MECOM: variants seen among roughly 807,000 people sequenced by gnomAD.
The protein encoded by MECOM is histone-lysine N-methyltransferase MECOM.
Under a neutral mutation model 116.3 loss-of-function variants are expected in MECOM, and 13 were observed. That is an observed-to-expected ratio of 0.11 (90% CI 0.07 to 0.18). The LOEUF (loss-of-function observed/expected upper bound fraction) is 0.18, where lower values mean the gene tolerates loss of function less well. Ranked by LOEUF, MECOM falls within the 10% of genes least tolerant of loss-of-function variation. The pLI, the probability that MECOM is intolerant of heterozygous loss-of-function variation, is 1.00. For synonymous variants in MECOM, 528 were observed against 535.2 expected (o/e 0.99, Z 0.19); for missense variants, 1,299 against 1,509.0 (o/e 0.86, Z 2.31).
chr3:169,662,429 C>CCT (rs1776409904), intron 1 of MECOM, among the ~76,000 whole-genome samples: 1 of 152,184 alleles, frequency 6.6e-6, no homozygotes, highest in Admixed American at 6.5e-5. Context: ...CCTAGGCTGC[C>CCT]GCCGCTGGCT....
chr3:169,477,124 T>TGTATATATATACATATAC (rs1750588326), intron 1 of MECOM: 1 of 84,880 alleles, frequency 1.2e-5, no homozygotes, highest in Non-Finnish European at 2.3e-5. Context: ...TATATATATA[T>TGTATATATATACATATAC]ATATATATAT....
intron 2 of MECOM, among the ~76,000 whole-genome samples, chr3:169,214,533 C>T (rs1327824965): frequency 6.6e-6 from 1 of 151,228 alleles, no homozygotes. Context: ...GGTTAGAATT[C>T]AATAAGGCAA....
chr3:169,276,997 TACACACACAC>T (rs71300479), intron 2 of MECOM, among the ~76,000 whole-genome samples: 79 of 144,512 alleles, frequency 5.5e-4, no homozygotes, highest in East Asian at 3.4e-3. Flanking sequence ...TAATTTATGT[TACACACACAC>T]ACACACACAC....
intron 2 of MECOM, among the ~76,000 whole-genome samples, chr3:169,371,809 A>T (rs1730190742): frequency 1.3e-5 from 2 of 152,032 alleles, no homozygotes; most frequent in South Asian, 4.1e-4. Context: ...CACCGTTGTT[A>T]GGTATCTTAG....
Position 169,084,807 on chromosome 3 carries a change from CAGGTTTATA to C in MECOM, c.*93_*101del. 1 of 1,297,306 alleles carries C rather than the reference CAGGTTTATA, an allele frequency of 7.7e-7. No homozygotes were observed. The highest frequency in any genetic ancestry group is 1.1e-6 in the Non-Finnish European group (1 of 920,852). The allele number at this position is 1,297,306 out of a possible 1,614,324, so 80.4% of individuals were successfully genotyped here. On this transcript the variant is annotated 3_prime_UTR_variant, in exon 17 of 17. Transcript: ENST00000651503. ...ACTAGACTTTAGATGAGTGACCCTG[CAGGTTTATA>C]AGGCATTCTGCTCAGCAGTCTTGTA... is the stretch of plus-strand genomic sequence containing the variant.
intron 2 of MECOM, among the ~76,000 whole-genome samples, chr3:169,154,941 G>T (rs1245554929): frequency 1.3e-4 from 19 of 151,982 alleles, no homozygotes; most frequent in Admixed American, 5.9e-4. Flanking sequence ...CAAATTATCT[G>T]TGCTTCTCTC....
chr3:169,655,854 A>G (rs1775482237), intron 1 of MECOM, among the ~76,000 whole-genome samples: 1 of 152,234 alleles, frequency 6.6e-6, no homozygotes, highest in Non-Finnish European at 1.5e-5. Flanking sequence ...ACCCACTAAG[A>G]TTTATTGAGC....
chr3:169,382,047 C>A (rs1732473669), intron 1 of MECOM, among the ~76,000 whole-genome samples: 1 of 152,122 alleles, frequency 6.6e-6, no homozygotes, highest in African/African-American at 2.4e-5. Context: ...AGTGTTTTTT[C>A]TTTCTCTATA....
intron 1 of MECOM, among the ~76,000 whole-genome samples, chr3:169,612,075 T>G (rs1577106067): frequency 6.6e-6 from 1 of 152,250 alleles, no homozygotes; most frequent in African/African-American, 2.4e-5. Flanking sequence ...CAACCAAAAA[T>G]TTCTCCAGAT....
chr3:169,134,399 G>C lies in MECOM; in HGVS notation c.511-2868C>G, dbSNP rs1318049915. On this transcript the variant is annotated intron_variant, in intron 3 of 16. Transcript: ENST00000651503. ...TTGGCTTTATTTACTGGAGGTAAAA[G>C]GTGACATTCCAAGCCATGAAAGGCA... 3.9e-5 allele frequency among the ~76,000 whole-genome samples: 6 copies of C among 152,166 alleles called. No homozygotes were observed. In the East Asian group the frequency reaches 1.2e-3, roughly 29 times the overall value.
chr3:169,228,645 A>G (rs1753025809), intron 2 of MECOM, among the ~76,000 whole-genome samples: 1 of 152,196 alleles, frequency 6.6e-6, no homozygotes, highest in Admixed American at 6.5e-5. Flanking sequence ...CCTCAAAGGC[A>G]TTTCCATGCA....
intron 1 of MECOM, among the ~76,000 whole-genome samples, chr3:169,564,655 A>G (rs1271228868): frequency 6.6e-6 from 1 of 152,278 alleles, no homozygotes; most frequent in African/African-American, 2.4e-5. Flanking sequence ...TGCAAGTCCA[A>G]TGAAACAAGT....
intron 1 of MECOM, among the ~76,000 whole-genome samples, chr3:169,646,433 G>A (rs1169119006): frequency 1.3e-5 from 2 of 151,966 alleles, no homozygotes; most frequent in Admixed American, 6.6e-5. Flanking sequence ...TGCACGTTGT[G>A]CACAGGTACC....
At chr3:169,206,389 G>A (rs978605273) in intron 2 of MECOM, among the ~76,000 whole-genome samples, 4 of 152,054 alleles carry the variant, frequency 2.6e-5, no homozygotes, top group Non-Finnish European at 5.9e-5. Flanking sequence ...TTTAATGCTT[G>A]CAAAAAATGT....
intron 2 of MECOM, among the ~76,000 whole-genome samples, chr3:169,247,583 C>T (rs536838372): frequency 6.8e-4 from 104 of 152,146 alleles, no homozygotes; most frequent in Admixed American, 2.4e-3. Context: ...GGATTACAGG[C>T]GTGAGCCACT....
intron 2 of MECOM, among the ~76,000 whole-genome samples, chr3:169,255,444 G>A (rs949816315): frequency 1.3e-5 from 2 of 151,742 alleles, no homozygotes; most frequent in African/African-American, 2.4e-5. Context: ...AGGAACATAG[G>A]TAAACGTAGA....
Position 169,239,860 on chromosome 3 carries a change from A to T in MECOM, c.376-96028T>A, listed in dbSNP as rs148408746. ...GAGTACCTAATTCCATTGTGTTGATATAACAAAGCCCAGACTTAAAAATAA... is the reference window on the plus strand; with the variant it reads ...GAGTACCTAATTCCATTGTGTTGATTTAACAAAGCCCAGACTTAAAAATAA... On this transcript the variant is annotated intron_variant, in intron 2 of 16. Transcript: ENST00000651503. Among the ~76,000 whole-genome samples, 27 of 152,308 alleles carry T rather than the reference A, an allele frequency of 1.8e-4. No individual in the cohort carries two copies. The East Asian group carries it at 4.6e-3, about 26-fold the overall frequency.
chr3:169,609,461 T>C (rs1768986689), intron 1 of MECOM, among the ~76,000 whole-genome samples: 1 of 151,768 alleles, frequency 6.6e-6, no homozygotes, highest in Admixed American at 6.6e-5. Flanking sequence ...TTAATCATTT[T>C]TTTTTTTTTG....
chr3:169,502,926 C>T (rs965590723), intron 1 of MECOM, among the ~76,000 whole-genome samples: 2 of 152,124 alleles, frequency 1.3e-5, no homozygotes, highest in African/African-American at 4.8e-5. Context: ...TTCCCAAATA[C>T]TTCTTTCCTG....
Sources: gnomAD v4.1 joint callset for allele counts (sites outside exome capture counted in the v4.1 genomes callset) on GRCh38, gnomAD v4.1.1 for gene constraint, MANE v1.5 for transcripts, NCBI Gene and HGNC (gene_info 2026-07-23, HGNC 2026-07-21) for gene names.